ERBB4: variants seen among roughly 807,000 people sequenced by gnomAD.
The protein encoded by ERBB4 is receptor tyrosine-protein kinase erbB-4.
ERBB4 carries 42 observed loss-of-function variants against 158.0 expected under a neutral mutation model. The observed-to-expected ratio is 0.27, with a 90% CI of 0.21 to 0.34. The LOEUF is 0.34. Among genes scored for constraint, ERBB4 ranks in the 10% least tolerant of loss-of-function variants. ERBB4 has a pLI of 1.00. For missense variants in ERBB4, 1,333 were observed against 1,624.1 expected (o/e 0.82, Z 3.08); for synonymous variants, 583 against 558.7 (o/e 1.04, Z -0.61).
intron 19 of ERBB4, among the ~76,000 whole-genome samples, chr2:211,595,723 AC>A (rs1246925285): frequency 1.3e-5 from 2 of 152,134 alleles, no homozygotes; most frequent in African/African-American, 4.8e-5. Context: ...AATACAGCTG[AC>A]CCTCTGTATT....
intron 1 of ERBB4, among the ~76,000 whole-genome samples, chr2:212,246,799 T>C (rs767272081): frequency 5.9e-5 from 9 of 152,180 alleles, no homozygotes; most frequent in African/African-American, 2.2e-4. Flanking sequence ...AGTGTAAATA[T>C]AGACAGCAGC....
chr2:212,514,673 C>T (rs191969972), intron 1 of ERBB4, among the ~76,000 whole-genome samples: 5 of 152,180 alleles, frequency 3.3e-5, no homozygotes, highest in Non-Finnish European at 7.4e-5. Flanking sequence ...GGCATGGTGG[C>T]GTGCACCTGT....
chr2:211,957,336 A>C lies in ERBB4; in HGVS notation c.235-9720T>G, dbSNP rs545925856. The stretch of plus-strand genomic sequence containing the variant: ...AAAGACCATGAGAAAACACAGAGAG[A>C]AGTTGGTCATCTACAAGCCAAGGAG... On this transcript the variant is annotated intron_variant, in intron 2 of 27. Transcript: ENST00000342788. Among the ~76,000 whole-genome samples, 3 of 152,202 alleles carry C rather than the reference A, an allele frequency of 2.0e-5. No individual in the cohort carries two copies. In the East Asian group the frequency reaches 5.8e-4, roughly 29 times the overall value.
chr2:211,892,072 T>C (rs1429023697), intron 3 of ERBB4, among the ~76,000 whole-genome samples: 9 of 109,672 alleles, frequency 8.2e-5, no homozygotes, highest in East Asian at 2.3e-4. Flanking sequence ...CCAGCATCAT[T>C]CTGATACCAA....
At chr2:211,871,496 T>C (rs2078344417) in intron 3 of ERBB4, among the ~76,000 whole-genome samples, 1 of 151,116 alleles carries the variant, frequency 6.6e-6, no homozygotes, top group Non-Finnish European at 1.5e-5. Flanking sequence ...CAGTGAGCAG[T>C]GCTTTGGCAT....
chr2:212,116,631 G>C (rs1035391069), intron 2 of ERBB4, among the ~76,000 whole-genome samples: 1 of 152,066 alleles, frequency 6.6e-6, no homozygotes, highest in Non-Finnish European at 1.5e-5. Context: ...AACATTTGTA[G>C]AGACAGGGTC....
chr2:212,007,750 C>A (rs1196315276), intron 2 of ERBB4, among the ~76,000 whole-genome samples: 1 of 151,770 alleles, frequency 6.6e-6, no homozygotes, highest in Non-Finnish European at 1.5e-5. Flanking sequence ...TTTGAAGTTA[C>A]CTGAGAAGAA....
intron 2 of ERBB4, among the ~76,000 whole-genome samples, chr2:212,038,312 T>G (rs1473432064): frequency 6.6e-6 from 1 of 152,054 alleles, no homozygotes; most frequent in Non-Finnish European, 1.5e-5. Context: ...AATAGTTCCT[T>G]CATGATTAAT....
At chr2:211,712,201 G>A in intron 8 of ERBB4, 25 bp from the exon 9 acceptor site, 1 of 1,612,604 alleles carries the variant, frequency 6.2e-7, no homozygotes, top group Non-Finnish European at 8.5e-7. Flanking sequence ...CTCAGAGTTA[G>A]GGGATTGAGA....
At chr2:211,810,824 C>G (rs1362517731) in intron 3 of ERBB4, among the ~76,000 whole-genome samples, 4 of 151,958 alleles carry the variant, frequency 2.6e-5, no homozygotes, top group African/African-American at 9.7e-5. Context: ...AGGCGCCCGC[C>G]ACCGCGCCCG....
chr2:212,520,419 T>G (rs1014530005), intron 1 of ERBB4, among the ~76,000 whole-genome samples: 5 of 151,888 alleles, frequency 3.3e-5, no homozygotes, highest in African/African-American at 7.2e-5. Context: ...CATAAAAATT[T>G]CGGTAATTCA....
At chr2:212,428,068 A>C (rs1460481065) in intron 1 of ERBB4, among the ~76,000 whole-genome samples, 1 of 147,474 alleles carries the variant, frequency 6.8e-6, no homozygotes, top group African/African-American at 2.5e-5. Flanking sequence ...AATTATCTCC[A>C]TTTTGCAAAT....
At chr2:211,905,725 T>C (rs1465970258) in intron 3 of ERBB4, among the ~76,000 whole-genome samples, 1 of 103,772 alleles carries the variant, frequency 9.6e-6, no homozygotes, top group East Asian at 2.5e-4. Context: ...TATGTGTGTG[T>C]ATGTGTGTGC....
At chr2:211,501,695 T>C (rs1208067786) in intron 20 of ERBB4, among the ~76,000 whole-genome samples, 1 of 152,096 alleles carries the variant, frequency 6.6e-6, no homozygotes, top group African/African-American at 2.4e-5. Flanking sequence ...ACCTCAGGTC[T>C]TCCAAAAATA....
intron 19 of ERBB4, among the ~76,000 whole-genome samples, chr2:211,591,281 C>A (rs772542495): frequency 6.6e-6 from 1 of 152,160 alleles, no homozygotes; most frequent in Non-Finnish European, 1.5e-5. Flanking sequence ...TATCTGCCAA[C>A]GAAGGGGGAT....
intron 1 of ERBB4, among the ~76,000 whole-genome samples, chr2:212,193,131 G>C (rs867352205): frequency 6.6e-6 from 1 of 152,114 alleles, no homozygotes; most frequent in Non-Finnish European, 1.5e-5. Flanking sequence ...TCCTGGGTTT[G>C]GATATAGCTG....
intron 1 of ERBB4, among the ~76,000 whole-genome samples, chr2:212,281,277 G>C (rs529217361): frequency 7.2e-5 from 11 of 151,820 alleles, no homozygotes; most frequent in African/African-American, 2.7e-4. Context: ...AAAGCACTAT[G>C]TGAATTACTT....
At chr2:211,514,810 G>A (rs2065980743) in intron 20 of ERBB4, among the ~76,000 whole-genome samples, 1 of 152,080 alleles carries the variant, frequency 6.6e-6, no homozygotes, top group Admixed American at 6.5e-5. Context: ...TTCTAATCTG[G>A]AAATCCGAAA....
rs1414446848 is a variant in ERBB4, at chr2:211,808,636, TTAAAG to T, written c.422-20482_422-20478del. Among the ~76,000 whole-genome samples, 22 of 152,292 alleles carry T rather than the reference TTAAAG, an allele frequency of 1.4e-4. No homozygotes were observed. In the East Asian group the frequency reaches 4.1e-3, roughly 28 times the overall value. On this transcript the variant is annotated intron_variant, in intron 3 of 27. Coordinates refer to ENST00000342788, the MANE Select transcript of ERBB4 (RefSeq NM_005235.3). Reference sequence around the variant, plus strand: ...GCTCTTTTTTGGTTCCTTATGAACTTTAAAGTAGTTTTTTCCAGTTCTGTGAAGAA... The same window carrying T: ...GCTCTTTTTTGGTTCCTTATGAACTTTAGTTTTTTCCAGTTCTGTGAAGAA...
Sources: allele counts gnomAD v4.1 joint callset (sites outside exome capture counted in the v4.1 genomes callset), GRCh38; gene constraint gnomAD v4.1.1; transcripts MANE v1.5; gene names NCBI Gene and HGNC (gene_info 2026-07-23, HGNC 2026-07-21).